The following TANC1 variants were observed in gnomAD, a reference collection of about 807,000 sequenced individuals.
The protein encoded by TANC1 is protein TANC1.
In TANC1, 77 loss-of-function variants were observed where a neutral mutation model predicts 149.7. The ratio of observed to expected loss-of-function variants is 0.51; its 90% CI spans 0.43 to 0.62. The LOEUF (loss-of-function observed/expected upper bound fraction) is 0.62. TANC1 is among the 20% of genes least tolerant of loss of function. TANC1 has a pLI of 0.00. For missense variants in TANC1, 1,985 were observed against 2,321.8 expected, an observed-to-expected ratio of 0.85 and a Z score of 2.98; for synonymous variants, 854 against 925.0, an observed-to-expected ratio of 0.92 and a Z score of 1.39.
intron 1 of TANC1, among the ~76,000 whole-genome samples, chr2:158,975,415 C>G (rs776031850): frequency 4.6e-5 from 7 of 152,038 alleles, no homozygotes; most frequent in Non-Finnish European, 1.0e-4. Context: ...TTTGATTAAG[C>G]CATCAATTTT....
At chr2:159,043,421 GC>G (rs1377692467) in intron 2 of TANC1, among the ~76,000 whole-genome samples, 1 of 152,146 alleles carries the variant, frequency 6.6e-6, no homozygotes, top group Non-Finnish European at 1.5e-5. Context: ...GGGAATCCAT[GC>G]TTTGACAGGC....
At chr2:159,157,932 A>T (rs2053603169) in intron 7 of TANC1, among the ~76,000 whole-genome samples, 1 of 152,208 alleles carries the variant, frequency 6.6e-6, no homozygotes, top group African/African-American at 2.4e-5. Flanking sequence ...CCAGGGAAGG[A>T]CAAATCACTC....
At chr2:159,120,612 T>G (rs924663341) in intron 4 of TANC1, among the ~76,000 whole-genome samples, 1 of 152,184 alleles carries the variant, frequency 6.6e-6, no homozygotes, top group Admixed American at 6.5e-5. Context: ...ATTTTTAGAA[T>G]GAATTTCACT....
chr2:159,116,527 A>G (rs1238138289), intron 4 of TANC1, among the ~76,000 whole-genome samples: 4 of 152,146 alleles, frequency 2.6e-5, no homozygotes, highest in Non-Finnish European at 5.9e-5. Context: ...AGAATAGGCA[A>G]ACTTTTTCTG....
intron 3 of TANC1, among the ~76,000 whole-genome samples, chr2:159,074,631 T>A (rs2043467101): frequency 6.6e-6 from 1 of 152,230 alleles, no homozygotes; most frequent in African/African-American, 2.4e-5. Flanking sequence ...AAGCAAATTT[T>A]CTATATGACT....
chr2:158,980,859 T>C (rs559791091), intron 1 of TANC1, among the ~76,000 whole-genome samples: 116 of 152,302 alleles, frequency 7.6e-4, no homozygotes, highest in African/African-American at 2.7e-3. Flanking sequence ...AAGGTTCACA[T>C]TGCACTGTGG....
At position 159,212,911 on chromosome 2, in the gene TANC1, C is replaced by A. The variant is rs570687688; in HGVS notation, c.3245-4586C>A. On this transcript the variant is annotated intron_variant, in intron 19 of 26. Transcript: ENST00000263635. ...CTCCAGCCTGGGTGACAGGGCGAGACACCGTCTCAAAAAAAAAAAAAAAAA... is the reference window on the plus strand; with the variant it reads ...CTCCAGCCTGGGTGACAGGGCGAGAAACCGTCTCAAAAAAAAAAAAAAAAA... 6.1e-4 allele frequency among the ~76,000 whole-genome samples: 64 copies of A among 104,816 alleles called. No homozygotes were observed. In the East Asian group the frequency reaches 0.012, roughly 19 times the overall value. 68.8% of individuals were successfully genotyped at this position (104,816 alleles called of 152,430 possible). A position where few individuals can be genotyped will look rare whatever the true frequency, so the allele number is the denominator to read the frequency against.
intron 19 of TANC1, among the ~76,000 whole-genome samples, chr2:159,201,293 A>C (rs142247923): frequency 1.3e-5 from 2 of 152,194 alleles, no homozygotes; most frequent in Non-Finnish European, 2.9e-5. Context: ...ACACAAATGT[A>C]TACTGCATGC....
intron 2 of TANC1, among the ~76,000 whole-genome samples, chr2:159,002,623 G>A (rs966912749): frequency 6.6e-6 from 1 of 152,198 alleles, no homozygotes; most frequent in Non-Finnish European, 1.5e-5. Flanking sequence ...GGGTGCAGAT[G>A]TGGGTTTGTC....
At chr2:159,061,230 TGTA>T (rs2042213774) in intron 2 of TANC1, among the ~76,000 whole-genome samples, 1 of 152,190 alleles carries the variant, frequency 6.6e-6, no homozygotes, top group African/African-American at 2.4e-5. Context: ...AACTTTTAGT[TGTA>T]GTAACAAAGA....
chr2:159,028,110 A>G (rs2039494233), intron 2 of TANC1, among the ~76,000 whole-genome samples: 1 of 152,012 alleles, frequency 6.6e-6, no homozygotes. Flanking sequence ...TTCAAACCAT[A>G]GTATATGCTA....
At chr2:159,176,211 G>A in intron 12 of TANC1, 141 bp from the exon 13 acceptor site, 1 of 501,652 alleles carries the variant, frequency 2.0e-6, no homozygotes, top group South Asian at 3.5e-5. Context: ...TAGAAAATAT[G>A]CTTCTGTGAA....
At chr2:158,991,259 A>G (rs1019133887) in intron 1 of TANC1, among the ~76,000 whole-genome samples, 4 of 152,122 alleles carry the variant, frequency 2.6e-5, no homozygotes, top group African/African-American at 9.7e-5. Context: ...AATACAAGGA[A>G]AAATAATATA....
intron 4 of TANC1, among the ~76,000 whole-genome samples, chr2:159,116,451 CAACAAAAA>C (rs1367292684): frequency 3.0e-4 from 40 of 135,392 alleles, no homozygotes; most frequent in African/African-American, 1.0e-3. Context: ...ACAACAACAA[CAACAAAAA>C]AAAAAAAACA....
rs1025340861 is a variant in TANC1, at chr2:159,104,874, T to G, written c.259+7040T>G. Among the ~76,000 whole-genome samples the G allele has an allele frequency of 2.5e-5, 3 of 117,932 alleles. 1 individual carries two copies. The highest frequency in any genetic ancestry group is 6.0e-5 in the Non-Finnish European group (3 of 50,224). The allele number at this position is 117,932 out of a possible 152,430, so 77.4% of individuals were successfully genotyped here. Reference sequence around the variant, plus strand: ...CACTGCACCCAGCTCTTGCTTAATATTTTATCACGAGCAATTTCCAGTTTA... The same window carrying G: ...CACTGCACCCAGCTCTTGCTTAATAGTTTATCACGAGCAATTTCCAGTTTA... On this transcript the variant is annotated intron_variant, in intron 4 of 26. Coordinates refer to ENST00000263635, the MANE Select transcript of TANC1 (RefSeq NM_033394.3).
intron 4 of TANC1, among the ~76,000 whole-genome samples, chr2:159,119,938 A>G (rs1038237839): frequency 1.3e-5 from 2 of 152,194 alleles, no homozygotes; most frequent in Admixed American, 6.5e-5. Context: ...CTCATCAACA[A>G]TGAGGTCAGA....
In TANC1 at chr2:159,150,749, T is replaced by C. The variant is rs547073714; in HGVS notation, c.682+193T>C. The stretch of plus-strand genomic sequence containing the variant: ...GCATTGGCTTTTACATTCCTTGATG[T>C]TTACTTTATAACAGTCAGCTCATTT... On this transcript the variant is annotated intron_variant, in intron 7 of 26. Coordinates refer to ENST00000263635, the MANE Select transcript of TANC1 (RefSeq NM_033394.3). The C allele has an allele frequency of 2.4e-4, 133 of 553,776 alleles. 1 individual carries two copies. The highest frequency in any genetic ancestry group is 2.1e-3 in the African/African-American group (107 of 51,634). The allele number at this position is 553,776 out of a possible 1,614,324, so 34.3% of individuals were successfully genotyped here.
chr2:159,027,050 C>G (rs75737624), intron 2 of TANC1: 3 of 151,668 alleles, frequency 2.0e-5, no homozygotes. Flanking sequence ...ACATGGAATG[C>G]TTCATGAATT....
At chr2:159,003,173 A>AT (rs1474262611) in intron 2 of TANC1, among the ~76,000 whole-genome samples, 2 of 152,228 alleles carry the variant, frequency 1.3e-5, no homozygotes, top group African/African-American at 4.8e-5. Context: ...GGTAGCGGGT[A>AT]TATGTGCTCA....
Sources: allele counts gnomAD v4.1 joint callset (sites outside exome capture counted in the v4.1 genomes callset), GRCh38; gene constraint gnomAD v4.1.1; transcripts MANE v1.5; gene names NCBI Gene and HGNC (gene_info 2026-07-23, HGNC 2026-07-21).